The following ASPH variants were observed in gnomAD, a reference collection of about 807,000 sequenced individuals.
The protein encoded by ASPH is aspartate beta-hydroxylase.
In ASPH, 100 loss-of-function variants were observed where a neutral mutation model predicts 118.4. That is an observed-to-expected ratio of 0.84 (90% confidence interval 0.72 to 1.00). ASPH has a LOEUF of 1.00. Ranked by LOEUF, ASPH falls within the 50% of genes least tolerant of loss-of-function variation. ASPH has a pLI of 0.00. For missense variants in ASPH, 920 were observed against 919.5 expected, an observed-to-expected ratio of 1.00 and a Z score of -0.01; for synonymous variants, 315 against 325.6, an observed-to-expected ratio of 0.97 and a Z score of 0.35.
intron 3 of ASPH, chr8:61,665,465 C>T (rs1819089079): frequency 6.4e-6 from 10 of 1,572,744 alleles, no homozygotes; most frequent in South Asian, 1.1e-5. Context: ...AGACTCCTTC[C>T]TGGATAGGTC....
At chr8:61,556,890 G>A (rs1379185676) in intron 18 of ASPH, among the ~76,000 whole-genome samples, 1 of 152,122 alleles carries the variant, frequency 6.6e-6, no homozygotes, top group Non-Finnish European at 1.5e-5. Context: ...ACTACAATGG[G>A]GTTACACAGA....
At chr8:61,641,870 T>A (rs1361562562) in intron 10 of ASPH, among the ~76,000 whole-genome samples, 1 of 152,194 alleles carries the variant, frequency 6.6e-6, no homozygotes, top group Non-Finnish European at 1.5e-5. Context: ...GCTTTACACA[T>A]AAAGTTATAC....
intron 21 of ASPH, among the ~76,000 whole-genome samples, chr8:61,534,096 C>A (rs888349359): frequency 6.6e-6 from 1 of 152,096 alleles, no homozygotes. Flanking sequence ...TACAGGCATG[C>A]ACCACCATGC....
chr8:61,642,759 C>T (rs1266159833), intron 10 of ASPH, 129 bp downstream of exon 10: 11 of 735,102 alleles, frequency 1.5e-5, no homozygotes, highest in East Asian at 3.2e-5. Context: ...GCAAGAGAAT[C>T]GCTTGTACCC....
Position 61,607,432 on chromosome 8 carries a change from T to C in ASPH, c.976+11546A>G, listed in dbSNP as rs534195372. ...AAAGGCAAAAATCAGTGTTCTCTTA[T>C]TCTACCATGACCAACTCAACAAATG... On this transcript the variant is annotated intron_variant, in intron 14 of 24. Coordinates refer to ENST00000379454, the MANE Select transcript of ASPH (RefSeq NM_004318.4). 2.2e-4 allele frequency: 129 copies of C among 594,256 alleles called. No individual in the cohort carries two copies. In the African/African-American group the frequency reaches 2.3e-3, roughly 11 times the overall value. 36.8% of individuals were successfully genotyped at this position (594,256 alleles called of 1,614,324 possible). A position where few individuals can be genotyped will look rare whatever the true frequency, so the allele number is the denominator to read the frequency against.
chr8:61,506,278 A>C (rs111919055), intron 24 of ASPH, among the ~76,000 whole-genome samples: 3,392 of 152,326 alleles, frequency 0.022, 51 homozygotes, highest in South Asian at 0.065. Context: ...CTAGTAGTTA[A>C]ATTCACAGAG....
At chr8:61,663,584 T>C in intron 3 of ASPH, 7 of 985,410 alleles carry the variant, frequency 7.1e-6, no homozygotes, top group Middle Eastern at 5.2e-4. Context: ...GTGCCCTGTA[T>C]CTGCCAAACA....
intron 22 of ASPH, among the ~76,000 whole-genome samples, chr8:61,525,549 G>A (rs576313479): frequency 6.6e-6 from 1 of 152,182 alleles, no homozygotes; most frequent in South Asian, 2.1e-4. Flanking sequence ...ACCATCATCC[G>A]TGTTGATATC....
At position 61,555,956 on chromosome 8, in the gene ASPH, T is replaced by A. The variant is rs1428961785; in HGVS notation, c.1504A>T (p.Asn502Tyr). The A allele has an allele frequency of 1.2e-6, 2 of 1,614,068 alleles. No individual in the cohort carries two copies. Among genetic ancestry groups the A allele is most frequent in the Admixed American group, 3.3e-5 (2 of 60,014 alleles). ...VHYGFILKAQ[N>Y]KIAESIPYLK... ...TATGGGATGCTCTCAGCAATTTTGT[T>A]CTGTGCCTTCAGGATGAAGCCATAA... The change falls in exon 19 of 25, where the codon AAC becomes TAC. Residue 502 changes from asparagine (N) to tyrosine (Y), a missense_variant. By Grantham distance (143) the Asn-to-Tyr change is moderately radical. Transcript: ENST00000379454.
At position 61,644,009 on chromosome 8, in the gene ASPH, T is replaced by A; in HGVS notation, c.653-8A>T. The stretch of plus-strand genomic sequence containing the variant: ...GATTACAGTCTTGTGAAACTATAAA[T>A]TATGGAATAATTAGGAAATTACGTC... On this transcript the variant is annotated splice_polypyrimidine_tract_variant and splice_region_variant and intron_variant, in intron 7 of 24. Coordinates refer to ENST00000379454, the MANE Select transcript of ASPH (RefSeq NM_004318.4). The A allele has an allele frequency of 6.2e-7, 1 of 1,600,766 alleles. No individual in the cohort carries two copies. Among genetic ancestry groups the A allele is most frequent in the Non-Finnish European group, 8.6e-7 (1 of 1,169,260 alleles).
At chr8:61,577,611 G>T (rs571171097) in intron 15 of ASPH, among the ~76,000 whole-genome samples, 4 of 152,298 alleles carry the variant, frequency 2.6e-5, no homozygotes, top group African/African-American at 9.6e-5. Flanking sequence ...AGTTCCACGT[G>T]GCTGGGGAGG....
chr8:61,621,169 C>T (rs1850770936), intron 13 of ASPH, among the ~76,000 whole-genome samples: 1 of 152,190 alleles, frequency 6.6e-6, no homozygotes, highest in African/African-American at 2.4e-5. Context: ...GCCAAAAGCT[C>T]TCTTATTCTC....
intron 3 of ASPH, among the ~76,000 whole-genome samples, chr8:61,666,881 C>T (rs909078954): frequency 6.6e-6 from 1 of 152,172 alleles, no homozygotes; most frequent in African/African-American, 2.4e-5. Flanking sequence ...GCAATGCTAT[C>T]ATGTCTTATT....
At chr8:61,642,845 C>CAA (rs749849292) in intron 10 of ASPH, 43 bp downstream of exon 10, 272 of 872,064 alleles carry the variant, frequency 3.1e-4, no homozygotes, top group South Asian at 8.7e-4. Context: ...AACTCCATCT[C>CAA]AAAAAAAAAA....
intron 14 of ASPH, chr8:61,606,711 T>A (rs1845673531): frequency 6.6e-6 from 1 of 152,192 alleles, no homozygotes; most frequent in Non-Finnish European, 1.5e-5. Context: ...AGCGTAAAAG[T>A]CATTGGATAT....
intron 3 of ASPH, chr8:61,675,352 T>G: frequency 1.0e-6 from 1 of 963,648 alleles, no homozygotes. Flanking sequence ...AAATACAAAT[T>G]ACTTTCTCTG....
chr8:61,586,197 CCTT>C (rs1378356869), intron 14 of ASPH, among the ~76,000 whole-genome samples: 1 of 152,154 alleles, frequency 6.6e-6, no homozygotes, highest in Non-Finnish European at 1.5e-5. Context: ...CTCTGTAACT[CCTT>C]CTCCCTGCTG....
chr8:61,643,901 C>T (rs1323158503), intron 8 of ASPH, 44 bp downstream of exon 8: 1 of 1,525,636 alleles, frequency 6.6e-7, no homozygotes, highest in Non-Finnish European at 9.1e-7. Flanking sequence ...TTGGCCACTG[C>T]CTCAATCAGA....
intron 16 of ASPH, among the ~76,000 whole-genome samples, chr8:61,571,813 T>C (rs559626615): frequency 3.0e-4 from 46 of 152,318 alleles, no homozygotes; most frequent in African/African-American, 7.9e-4. Context: ...GTTAATATGC[T>C]TCTCTTAATG....
Sources: gnomAD v4.1 joint callset for allele counts (sites outside exome capture counted in the v4.1 genomes callset) on GRCh38, gnomAD v4.1.1 for gene constraint, MANE v1.5 for transcripts, NCBI Gene and HGNC (gene_info 2026-07-23, HGNC 2026-07-21) for gene names.